Variants in NEK1 observed in about 807,000 individuals in gnomAD.
The protein encoded by NEK1 is NIMA related kinase 1, also known as serine/threonine-protein kinase Nek1.
In NEK1, 137 loss-of-function variants were observed where a neutral mutation model predicts 182.1. That is an observed-to-expected ratio of 0.75 (90% confidence interval 0.65 to 0.87). The LOEUF (loss-of-function observed/expected upper bound fraction) is 0.87. NEK1 is among the 40% of genes least tolerant of loss of function. The pLI, the probability that NEK1 is intolerant of heterozygous loss-of-function variation, is 0.00. For missense variants in NEK1, 1,391 were observed against 1,494.4 expected, an observed-to-expected ratio of 0.93 and a Z score of 1.14; for synonymous variants, 513 against 492.2, an observed-to-expected ratio of 1.04 and a Z score of -0.56.
At position 169,523,134 on chromosome 4, in the gene NEK1, T is replaced by C. The variant is rs543325480; in HGVS notation, c.1666-14282A>G. Among the ~76,000 whole-genome samples the C allele has an allele frequency of 2.6e-5, 4 of 152,348 alleles. No homozygotes were observed. The East Asian group carries it at 5.8e-4, about 22-fold the overall frequency. ...ATTCTTTTTGGACCTGGGCAGAAAC[T>C]ACTTTTTGATAGCTAAGGTTTTTAC... On this transcript the variant is annotated intron_variant, in intron 19 of 35. Coordinates refer to ENST00000507142, the MANE Select transcript of NEK1 (RefSeq NM_001199397.3).
chr4:169,578,000 A>C lies in NEK1; in HGVS notation c.869-921T>G, dbSNP rs78660003. On this transcript the variant is annotated intron_variant, in intron 11 of 35. Coordinates refer to ENST00000507142, the MANE Select transcript of NEK1 (RefSeq NM_001199397.3). Reference sequence around the variant, plus strand: ...GGGTACCTTAAAGACTGCTGGCAGAAATATAAATTGGTTACACTTTCTGGA... The same window carrying C: ...GGGTACCTTAAAGACTGCTGGCAGACATATAAATTGGTTACACTTTCTGGA... 6.9e-3 allele frequency among the ~76,000 whole-genome samples: 1,054 copies of C among 152,224 alleles called. 10 individuals carry two copies. The highest frequency in any genetic ancestry group is 0.021 in the African/African-American group (877 of 41,546).
intron 23 of NEK1, among the ~76,000 whole-genome samples, chr4:169,491,113 A>C (rs1217426034): frequency 7.8e-6 from 1 of 128,750 alleles, no homozygotes; most frequent in East Asian, 2.7e-4. Flanking sequence ...ACTGCACTCC[A>C]GCAACAGAGG....
intron 12 of NEK1, among the ~76,000 whole-genome samples, chr4:169,567,610 G>A (rs185130817): frequency 6.6e-6 from 1 of 152,220 alleles, no homozygotes; most frequent in African/African-American, 2.4e-5. Context: ...ATGTTGGTTA[G>A]GCAGGTCTCC....
At chr4:169,600,546 G>A (rs531750865) in intron 4 of NEK1, among the ~76,000 whole-genome samples, 7 of 152,136 alleles carry the variant, frequency 4.6e-5, no homozygotes, top group Non-Finnish European at 8.8e-5. Context: ...CTTGTCACTC[G>A]TGGTGCACAT....
rs191265016 is a variant in NEK1 at position 169,569,529 on chromosome 4, C to T, written c.1021-7333G>A. On this transcript the variant is annotated intron_variant, in intron 12 of 35. Transcript: ENST00000507142. ...CCTCTCCCTCTCTTTCCACAGTCTC[C>T]CTCTGATGCCGAGCCGAAGCTGGAC... Among the ~76,000 whole-genome samples the T allele has an allele frequency of 7.3e-4, 108 of 148,810 alleles. 1 individual carries two copies. Among genetic ancestry groups the T allele is most frequent in the Admixed American group, 5.6e-3 (84 of 14,998 alleles).
chr4:169,424,615 T>C lies in NEK1; in HGVS notation c.3160A>G (p.Lys1054Glu), dbSNP rs1275873455. 1 of 1,613,004 alleles carries C rather than the reference T, an allele frequency of 6.2e-7. No homozygotes were observed. Among genetic ancestry groups the C allele is most frequent in the East Asian group, 2.2e-5 (1 of 44,848 alleles). ...RSHSHLPPKN[K>E]NKNSLLIGLS... ...CCAATCAGCAAGGAATTCTTGTTTTTATTTTTTGGTGGTAAATGCGAGTGA... is the reference window on the plus strand; with the variant it reads ...CCAATCAGCAAGGAATTCTTGTTTTCATTTTTTGGTGGTAAATGCGAGTGA... Residue 1054 changes from lysine to glutamate, a missense_variant, in exon 31 of 36, where the codon AAA (lysine) becomes GAA (glutamate). Physicochemically the swap from Lys to Glu is moderately conservative, Grantham distance 56. Coordinates refer to ENST00000507142, the MANE Select transcript of NEK1 (RefSeq NM_001199397.3).
At chr4:169,576,182 C>A (rs1257151881) in intron 12 of NEK1, among the ~76,000 whole-genome samples, 2 of 152,064 alleles carry the variant, frequency 1.3e-5, no homozygotes, top group Non-Finnish European at 2.9e-5. Context: ...CCAGGCTGGT[C>A]TGGAACTCCT....
At chr4:169,528,556 G>A (rs1282705211) in intron 19 of NEK1, among the ~76,000 whole-genome samples, 6 of 152,184 alleles carry the variant, frequency 3.9e-5, no homozygotes, top group Non-Finnish European at 7.3e-5. Flanking sequence ...ATATAGCTAA[G>A]CTGTGTCCAG....
chr4:169,557,337 T>C (rs1762303112), intron 16 of NEK1, among the ~76,000 whole-genome samples: 1 of 144,386 alleles, frequency 6.9e-6, no homozygotes, highest in African/African-American at 2.6e-5. Flanking sequence ...AAACTCATAG[T>C]AAAAAATAGA....
chr4:169,443,655 T>C (rs1466061791), intron 27 of NEK1, among the ~76,000 whole-genome samples: 1 of 151,860 alleles, frequency 6.6e-6, no homozygotes, highest in Non-Finnish European at 1.5e-5. Context: ...TTGTAAGAGA[T>C]ATAGACATTC....
At chr4:169,447,451 A>G (rs1420644941) in intron 27 of NEK1, among the ~76,000 whole-genome samples, 1 of 152,232 alleles carries the variant, frequency 6.6e-6, no homozygotes, top group Non-Finnish European at 1.5e-5. Flanking sequence ...ATAATGAGTA[A>G]TAAGAAATCA....
chr4:169,465,325 C>G (rs1198905651), intron 26 of NEK1, among the ~76,000 whole-genome samples: 1 of 152,048 alleles, frequency 6.6e-6, no homozygotes, highest in South Asian at 2.1e-4. Flanking sequence ...CTGTCCCCCC[C>G]ACCACTGGAA....
intron 27 of NEK1, among the ~76,000 whole-genome samples, chr4:169,446,243 T>C (rs913396424): frequency 9.9e-5 from 15 of 151,558 alleles, no homozygotes; most frequent in African/African-American, 3.6e-4. Flanking sequence ...TCAACAAAAG[T>C]TGGCGTTTTG....
intron 19 of NEK1, among the ~76,000 whole-genome samples, chr4:169,523,971 C>T (rs774105977): frequency 1.5e-4 from 23 of 152,252 alleles, no homozygotes; most frequent in Non-Finnish European, 3.1e-4. Flanking sequence ...AAGAAAGTAA[C>T]ATTTCTCAAG....
intron 27 of NEK1, among the ~76,000 whole-genome samples, chr4:169,448,914 G>A (rs757690135): frequency 5.0e-4 from 76 of 152,216 alleles, no homozygotes; most frequent in Non-Finnish European, 9.0e-4. Context: ...AAGGGAAGCC[G>A]TGACAGACTA....
At chr4:169,536,654 T>G (rs1194620822) in intron 19 of NEK1, among the ~76,000 whole-genome samples, 1 of 151,844 alleles carries the variant, frequency 6.6e-6, no homozygotes, top group African/African-American at 2.4e-5. Context: ...TACCAGATTC[T>G]CCAGCATGAA....
intron 19 of NEK1, among the ~76,000 whole-genome samples, chr4:169,514,365 G>C (rs1412580372): frequency 6.6e-6 from 1 of 152,106 alleles, no homozygotes; most frequent in East Asian, 1.9e-4. Flanking sequence ...TATGGTATTA[G>C]GGTAATACAG....
chr4:169,454,798 T>C (rs1742530362), intron 27 of NEK1, among the ~76,000 whole-genome samples: 1 of 152,104 alleles, frequency 6.6e-6, no homozygotes, highest in African/African-American at 2.4e-5. Flanking sequence ...AGAACTATAA[T>C]TACCATTTGA....
chr4:169,411,277 TCTGA>T (rs1475764897), intron 31 of NEK1, among the ~76,000 whole-genome samples: 4 of 150,608 alleles, frequency 2.7e-5, no homozygotes, highest in African/African-American at 9.9e-5. Flanking sequence ...ATGATCTTTA[TCTGA>T]CTCTATTTTT....
Sources: gnomAD v4.1 joint callset for allele counts (sites outside exome capture counted in the v4.1 genomes callset) on GRCh38, gnomAD v4.1.1 for gene constraint, MANE v1.5 for transcripts, NCBI Gene and HGNC (gene_info 2026-07-23, HGNC 2026-07-21) for gene names.